The following NFIA variants were observed in gnomAD, a reference collection of about 807,000 sequenced individuals.
NFIA encodes the protein nuclear factor I A.
A neutral mutation model predicts 62.8 loss-of-function variants in NFIA; 8 were observed. The ratio of observed to expected loss-of-function variants is 0.13; its 90% confidence interval spans 0.07 to 0.23. The LOEUF (loss-of-function observed/expected upper bound fraction) is 0.23. Among genes scored for constraint, NFIA ranks in the 10% least tolerant of loss-of-function variants. The probability of loss-of-function intolerance (pLI) is 1.00; values close to 1 mark genes in which losing one functional copy is unlikely to be tolerated. For synonymous variants in NFIA, 235 were observed against 238.1 expected (o/e 0.99, Z 0.12); for missense variants, 410 against 642.1 (o/e 0.64, Z 3.91).
chr1:61,082,274 C>T (rs1376277124), upstream of NFIA: 6 of 288,706 alleles, frequency 2.1e-5, no homozygotes, highest in Non-Finnish European at 2.3e-5. Context: ...CGGAGAGAGC[C>T]GGGGAGCGAG....
intron 2 of NFIA, among the ~76,000 whole-genome samples, chr1:61,173,128 A>G (rs1161232552): frequency 1.3e-5 from 2 of 152,200 alleles, no homozygotes. Flanking sequence ...ACCCTAGCTC[A>G]AAAGCCAGTG....
intron 2 of NFIA, among the ~76,000 whole-genome samples, chr1:61,237,581 A>T (rs1306853245): frequency 6.6e-6 from 1 of 152,212 alleles, no homozygotes; most frequent in Admixed American, 6.5e-5. Flanking sequence ...GTGTTCTTTA[A>T]TCAACAGAAT....
chr1:61,189,489 A>AC (rs1220788956), intron 2 of NFIA, among the ~76,000 whole-genome samples: 2 of 151,726 alleles, frequency 1.3e-5, no homozygotes, highest in African/African-American at 2.4e-5. Flanking sequence ...ACATGGTGAA[A>AC]CCCCCTCTCT....
intron 2 of NFIA, among the ~76,000 whole-genome samples, chr1:61,118,545 G>A (rs1038240716): frequency 9.2e-5 from 14 of 151,932 alleles, no homozygotes; most frequent in African/African-American, 3.4e-4. Flanking sequence ...CAGGCAAGGT[G>A]ATAGAGAATA....
chr1:61,257,233 A>G (rs1391112339), intron 2 of NFIA, among the ~76,000 whole-genome samples: 1 of 151,734 alleles, frequency 6.6e-6, no homozygotes, highest in Non-Finnish European at 1.5e-5. Context: ...GTCTCAGCTC[A>G]GTTAACTAGT....
intron 3 of NFIA, among the ~76,000 whole-genome samples, chr1:61,304,439 A>G (rs1164009959): frequency 1.3e-5 from 2 of 152,216 alleles, no homozygotes; most frequent in Non-Finnish European, 2.9e-5. Flanking sequence ...TAATTAGTGT[A>G]TGAATTCCTT....
intron 3 of NFIA, among the ~76,000 whole-genome samples, chr1:61,307,343 G>A (rs151040479): frequency 1.3e-5 from 2 of 152,296 alleles, no homozygotes; most frequent in African/African-American, 4.8e-5. Flanking sequence ...TGGACGGTGT[G>A]ATCTATGAGG....
At chr1:61,334,290 G>T (rs1661465252) in intron 4 of NFIA, among the ~76,000 whole-genome samples, 1 of 151,984 alleles carries the variant, frequency 6.6e-6, no homozygotes. Flanking sequence ...CCATGGTATT[G>T]AAGCGTACTT....
chr1:61,390,655 G>T (rs190770855), intron 7 of NFIA, among the ~76,000 whole-genome samples: 8 of 152,304 alleles, frequency 5.3e-5, no homozygotes, highest in Non-Finnish European at 1.2e-4. Flanking sequence ...CTTTCAGGAA[G>T]TTGGGGTCAC....
intron 3 of NFIA, among the ~76,000 whole-genome samples, chr1:61,314,227 C>G (rs1018020540): frequency 1.3e-5 from 2 of 152,136 alleles, no homozygotes. Flanking sequence ...TCTGTGCCCT[C>G]AGAGCCTGCT....
intron 2 of NFIA, among the ~76,000 whole-genome samples, chr1:61,253,786 C>A (rs1468381115): frequency 1.3e-5 from 2 of 152,042 alleles, no homozygotes; most frequent in East Asian, 3.8e-4. Flanking sequence ...AAAATAAACT[C>A]TTTTGCCTTT....
chr1:61,319,844 C>G (rs1337255539), intron 3 of NFIA, among the ~76,000 whole-genome samples: 1 of 151,108 alleles, frequency 6.6e-6, no homozygotes, highest in African/African-American at 2.4e-5. Flanking sequence ...CACCAACTTT[C>G]ATGATCACAC....
intron 2 of NFIA, among the ~76,000 whole-genome samples, chr1:61,110,707 T>A (rs1345735223): frequency 6.6e-6 from 1 of 152,188 alleles, no homozygotes; most frequent in East Asian, 1.9e-4. Flanking sequence ...GTCAGACTGA[T>A]AAGTTTCTTA....
At chr1:61,373,670 T>A (rs1439295172) in intron 6 of NFIA, among the ~76,000 whole-genome samples, 1 of 152,160 alleles carries the variant, frequency 6.6e-6, no homozygotes, top group Non-Finnish European at 1.5e-5. Context: ...ACGAAAGTAT[T>A]CATAAGGGTG....
intron 5 of NFIA, among the ~76,000 whole-genome samples, chr1:61,353,524 G>C (rs12564092): frequency 0.092 from 14,012 of 152,218 alleles, 819 homozygotes; most frequent in East Asian, 0.2. Context: ...GATCTTTAAT[G>C]TTTGTGTACT....
intron 6 of NFIA, among the ~76,000 whole-genome samples, chr1:61,369,424 AAGAC>A (rs767914309): frequency 1.3e-4 from 19 of 150,536 alleles, no homozygotes; most frequent in African/African-American, 4.8e-5. Context: ...GGAAAGAAAA[AAGAC>A]AGAGCGATCA....
intron 2 of NFIA, among the ~76,000 whole-genome samples, chr1:61,114,842 C>T (rs1158506390): frequency 6.6e-6 from 1 of 152,038 alleles, no homozygotes; most frequent in Non-Finnish European, 1.5e-5. Context: ...TCTCAAACAC[C>T]ACATTTTGGG....
At chr1:61,232,392 AG>A (rs1654733789) in intron 2 of NFIA, among the ~76,000 whole-genome samples, 1 of 152,224 alleles carries the variant, frequency 6.6e-6, no homozygotes, top group African/African-American at 2.4e-5. Flanking sequence ...TGTAAAGCAT[AG>A]TATAGCAATA....
In NFIA at chr1:61,155,419, A is replaced by G. The variant is rs561566778; in HGVS notation, c.559+66739A>G. ...CCGGGCGCGGTGGCTCACGCCTGTA[A>G]TCCCAGCACTTTGGGAGGCCGAGGC... On this transcript the variant is annotated intron_variant, in intron 2 of 10. Coordinates refer to ENST00000403491, the MANE Select transcript of NFIA (RefSeq NM_001134673.4). 2.3e-3 allele frequency among the ~76,000 whole-genome samples: 349 copies of G among 151,142 alleles called. 1 individual carries two copies. Among genetic ancestry groups the G allele is most frequent in the Middle Eastern group, 3.4e-3 (1 of 294 alleles).
Sources: allele counts gnomAD v4.1 joint callset (sites outside exome capture counted in the v4.1 genomes callset), GRCh38; gene constraint gnomAD v4.1.1; transcripts MANE v1.5; gene names NCBI Gene and HGNC (gene_info 2026-07-23, HGNC 2026-07-21).